Variants in OPCML observed in about 807,000 individuals in gnomAD.
OPCML encodes opioid binding protein/cell adhesion molecule like.
OPCML carries 13 observed loss-of-function variants against 37.8 expected under a neutral mutation model. That is an observed-to-expected ratio of 0.34 (90% CI 0.22 to 0.55). The LOEUF is 0.55. Among genes scored for constraint, OPCML ranks in the 20% least tolerant of loss-of-function variants. The pLI, the probability that OPCML is intolerant of heterozygous loss-of-function variation, is 0.91. For missense variants in OPCML, 341 were observed against 435.6 expected, an observed-to-expected ratio of 0.78 and a Z score of 1.93; for synonymous variants, 176 against 168.8, an observed-to-expected ratio of 1.04 and a Z score of -0.33.
At chr11:132,975,744 G>T (rs968891756) in intron 1 of OPCML, among the ~76,000 whole-genome samples, 11 of 151,808 alleles carry the variant, frequency 7.2e-5, no homozygotes, top group Non-Finnish European at 1.0e-4. Context: ...CACATAGTAG[G>T]CATATCTTCT....
chr11:132,517,259 ACCC>A (rs1351445028), intron 4 of OPCML, among the ~76,000 whole-genome samples: 1 of 152,148 alleles, frequency 6.6e-6, no homozygotes, highest in Non-Finnish European at 1.5e-5. Context: ...TAGGAATTTT[ACCC>A]TAGGGATGTA....
chr11:133,211,048 A>G lies in OPCML; in HGVS notation c.62-268038T>C, dbSNP rs898495338. Among the ~76,000 whole-genome samples, 5 of 152,226 alleles carry G rather than the reference A, an allele frequency of 3.3e-5. No individual in the cohort carries two copies. The highest frequency in any genetic ancestry group is 7.2e-5 in the African/African-American group (3 of 41,456). ...GTGCAGAGAAGTCTCTCTACAAACT[A>G]TAACCACCTAGTAATAGAAATGAAA... is the stretch of plus-strand genomic sequence containing the variant. On this transcript the variant is annotated intron_variant, in intron 1 of 7. Transcript: ENST00000524381. This position sits in a 1 kb window ranked among gnomAD's most constrained non-coding sequence, Gnocchi z 4.1.
At chr11:132,559,143 A>G (rs940572280) in intron 3 of OPCML, among the ~76,000 whole-genome samples, 2 of 152,028 alleles carry the variant, frequency 1.3e-5, no homozygotes, top group East Asian at 3.9e-4. Context: ...GAAAAGAGTG[A>G]GAGGGAGAGA....
Position 132,874,828 on chromosome 11 carries a change from TCAGA to T in OPCML, c.146+68094_146+68097del, listed in dbSNP as rs147611707. ...AGGCAAGAAATCCAAGACTGCTCAC[TCAGA>T]CAGTGAGTCAACGTGTAAACAAAGG... On this transcript the variant is annotated intron_variant, in intron 2 of 7. Transcript: ENST00000524381. Among the ~76,000 whole-genome samples the T allele has an allele frequency of 3.3e-3, 497 of 152,218 alleles. 1 individual carries two copies. Among genetic ancestry groups the T allele is most frequent in the African/African-American group, 0.012 (480 of 41,522 alleles).
At chr11:133,479,084 T>C (rs1947315314) in intron 1 of OPCML, among the ~76,000 whole-genome samples, 1 of 152,218 alleles carries the variant, frequency 6.6e-6, no homozygotes, top group African/African-American at 2.4e-5. Flanking sequence ...ATGACTTATG[T>C]AGCGTTTAGC....
chr11:132,558,340 T>TC (rs2096401588), intron 3 of OPCML, among the ~76,000 whole-genome samples: 1 of 21,280 alleles, frequency 4.7e-5, no homozygotes, highest in African/African-American at 2.2e-4. Flanking sequence ...CCCCTCCTCC[T>TC]CTCCCCCTCC....
At chr11:132,916,445 C>T (rs1219032114) in intron 2 of OPCML, among the ~76,000 whole-genome samples, 3 of 152,096 alleles carry the variant, frequency 2.0e-5, no homozygotes, top group Non-Finnish European at 2.9e-5. Context: ...CAGGCATGGA[C>T]GTCACTGAAT....
intron 2 of OPCML, among the ~76,000 whole-genome samples, chr11:132,690,522 T>C (rs989944369): frequency 3.3e-5 from 5 of 152,198 alleles, no homozygotes; most frequent in African/African-American, 1.2e-4. Context: ...ATGAAGTGAC[T>C]GGCATATTTC....
chr11:132,827,396 G>A (rs1261275452), intron 2 of OPCML, among the ~76,000 whole-genome samples: 2 of 152,124 alleles, frequency 1.3e-5, no homozygotes, highest in South Asian at 2.1e-4. Flanking sequence ...AAAATTCAAA[G>A]CATTGACAAC....
In OPCML at chr11:132,735,604, C is replaced by A. The variant is rs367790690; in HGVS notation, c.147-78285G>T. Among the ~76,000 whole-genome samples, 24 of 152,106 alleles carry A rather than the reference C, an allele frequency of 1.6e-4. 1 individual carries two copies. The highest frequency in any genetic ancestry group is 7.9e-4 in the Admixed American group (12 of 15,282). On this transcript the variant is annotated intron_variant, in intron 2 of 7. Transcript: ENST00000524381. ...GTTTACACCACTCTCCTACCTCAGC[C>A]TCCCGAGTAGCTGGGACTACAGGCA...
chr11:132,783,650 A>G (rs2136158484), intron 2 of OPCML, among the ~76,000 whole-genome samples: 1 of 152,306 alleles, frequency 6.6e-6, no homozygotes, highest in Admixed American at 6.5e-5. Flanking sequence ...GGGGTGAATA[A>G]AGATATAATA....
chr11:133,383,588 G>T (rs1225142321), intron 1 of OPCML, among the ~76,000 whole-genome samples: 1 of 152,098 alleles, frequency 6.6e-6, no homozygotes, highest in Non-Finnish European at 1.5e-5. Context: ...GTAAATATTT[G>T]CTCACAGAAC....
At position 133,403,557 on chromosome 11, in the gene OPCML, G is replaced by C. The variant is rs1001693260; in HGVS notation, c.61+128707C>G. Among the ~76,000 whole-genome samples the C allele has an allele frequency of 1.3e-4, 20 of 152,204 alleles. 1 individual carries two copies. Among genetic ancestry groups the C allele is most frequent in the Admixed American group, 1.2e-3 (18 of 15,282 alleles). ...CTGAGGGAGTAGGCTAAATTGGACA[G>C]AATGAACCAAAGGCAGGTTACTCTG... On this transcript the variant is annotated intron_variant, in intron 1 of 7. Transcript: ENST00000524381.
In OPCML at chr11:133,174,049, G is replaced by A. The variant is rs532499907; in HGVS notation, c.62-231039C>T. On this transcript the variant is annotated intron_variant, in intron 1 of 7. Coordinates refer to ENST00000524381, the MANE Select transcript of OPCML (RefSeq NM_001012393.5). The surrounding 1 kb of genome is among the most constrained non-coding windows in gnomAD (Gnocchi z 4.6). The stretch of plus-strand genomic sequence containing the variant: ...ACGGCCTGGCAGGCCCTGCACTGCG[G>A]CCATAAATCAGGAACTAATTCAATC... 4.6e-5 allele frequency among the ~76,000 whole-genome samples: 7 copies of A among 152,332 alleles called. No homozygotes were observed. Among genetic ancestry groups the A allele is most frequent in the South Asian group, 4.1e-4 (2 of 4,830 alleles).
intron 3 of OPCML, among the ~76,000 whole-genome samples, chr11:132,611,147 C>G (rs902715410): frequency 4.6e-5 from 7 of 152,158 alleles, no homozygotes; most frequent in Non-Finnish European, 5.9e-5. Context: ...TTGAAGCTGG[C>G]CCAGTTTTTA....
At chr11:132,705,704 T>C (rs139028502) in intron 2 of OPCML, among the ~76,000 whole-genome samples, 65 of 152,306 alleles carry the variant, frequency 4.3e-4, no homozygotes, top group Non-Finnish European at 1.0e-4. Flanking sequence ...CGGTTGTAAG[T>C]TTCCAGAGGC....
chr11:133,385,266 G>C (rs777928538), intron 1 of OPCML, among the ~76,000 whole-genome samples: 1 of 152,188 alleles, frequency 6.6e-6, no homozygotes, highest in Non-Finnish European at 1.5e-5. Context: ...CACTGTGACT[G>C]CTGGGTCTCC....
intron 1 of OPCML, among the ~76,000 whole-genome samples, chr11:133,257,444 C>T (rs1315563801): frequency 6.6e-6 from 1 of 152,180 alleles, no homozygotes; most frequent in African/African-American, 2.4e-5. Flanking sequence ...AATCACGCTG[C>T]ATTACGATCG....
intron 2 of OPCML, among the ~76,000 whole-genome samples, chr11:132,739,393 T>C (rs1945365771): frequency 6.6e-6 from 1 of 152,216 alleles, no homozygotes; most frequent in Admixed American, 6.5e-5. Context: ...TCCCAGGCAA[T>C]GAACCTAAGT....
Sources: allele counts gnomAD v4.1 joint callset (sites outside exome capture counted in the v4.1 genomes callset), GRCh38; gene constraint gnomAD v4.1.1; non-coding constraint Gnocchi (gnomAD v3.1); transcripts MANE v1.5; gene names NCBI Gene and HGNC (gene_info 2026-07-23, HGNC 2026-07-21).